The following MCU variants were observed in gnomAD, a reference collection of about 807,000 sequenced individuals.
The protein encoded by MCU is mitochondrial calcium uniporter, also known as calcium uniporter protein, mitochondrial.
MCU carries 12 observed loss-of-function variants against 45.2 expected under a neutral mutation model. That is an observed-to-expected ratio of 0.27 (90% CI 0.17 to 0.43). MCU has a LOEUF of 0.43. MCU is among the 20% of genes least tolerant of loss of function. The pLI is 1.00. For missense variants in MCU, 324 were observed against 436.7 expected (o/e 0.74, Z 2.30); for synonymous variants, 160 against 165.1 (o/e 0.97, Z 0.24).
At chr10:72,848,052 C>G (rs1005364816) in intron 2 of MCU, among the ~76,000 whole-genome samples, 6 of 152,130 alleles carry the variant, frequency 3.9e-5, no homozygotes, top group Admixed American at 1.3e-4. Context: ...ATTGGTTCTG[C>G]AGACCAGCCC....
chr10:72,769,533 TCA>T (rs1373155209), intron 1 of MCU, among the ~76,000 whole-genome samples: 4 of 152,190 alleles, frequency 2.6e-5, no homozygotes, highest in Non-Finnish European at 4.4e-5. Context: ...TACTCTTGCC[TCA>T]GTCTCCTGAG....
In MCU at chr10:72,859,209, G is replaced by A. The variant is rs759244096; in HGVS notation, c.253G>A (p.Val85Met). The A allele has an allele frequency of 1.2e-6, 2 of 1,610,020 alleles. No individual in the cohort carries two copies. Among genetic ancestry groups the A allele is most frequent in the Non-Finnish European group, 1.7e-6 (2 of 1,178,266 alleles). ...AGTGGTTTATCAAAATGGGTTACCT[G>A]TGATATCTGTGAGGCTACCATCCCG... ...VTVVYQNGLP[V>M]ISVRLPSRRE... Residue 85 changes from valine (V) to methionine (M), a missense_variant, in exon 3 of 8, where the codon GTG (valine) becomes ATG (methionine). Around this residue, in one of 4 missense-constraint regions of MCU, gnomAD observed 111 missense variants for 112.3 expected, o/e 0.99. Transcript: ENST00000373053.
intron 1 of MCU, among the ~76,000 whole-genome samples, chr10:72,753,022 G>C (rs1218218056): frequency 6.6e-6 from 1 of 152,132 alleles, no homozygotes; most frequent in Non-Finnish European, 1.5e-5. Flanking sequence ...TTTCTATTGA[G>C]AGGCCCTAAT....
chr10:72,692,495 G>A, intron 1 of MCU, 194 bp downstream of exon 1: 1 of 913,732 alleles, frequency 1.1e-6, no homozygotes, highest in Non-Finnish European at 1.4e-6. Flanking sequence ...GCGGGCGGGA[G>A]GAAGCCGAGA....
At chr10:72,709,717 GTTTTCT>G (rs1842866529) in intron 1 of MCU, among the ~76,000 whole-genome samples, 1 of 151,934 alleles carries the variant, frequency 6.6e-6, no homozygotes, top group Admixed American at 6.6e-5. Context: ...ATGAAATCTT[GTTTTCT>G]TTTTATTTTC....
chr10:72,715,393 T>C (rs889171255), intron 1 of MCU, among the ~76,000 whole-genome samples: 1 of 152,222 alleles, frequency 6.6e-6, no homozygotes, highest in African/African-American at 2.4e-5. Context: ...GGGCTGAGTT[T>C]AGTGAGGTGA....
At chr10:72,757,013 A>AG (rs1414198406) in intron 1 of MCU, 1 of 151,428 alleles carries the variant, frequency 6.6e-6, no homozygotes, top group Non-Finnish European at 1.5e-5. Flanking sequence ...ATCTTGAAAA[A>AG]GGAAAAAAAA....
At chr10:72,749,160 A>G (rs1843458833) in intron 1 of MCU, among the ~76,000 whole-genome samples, 1 of 151,792 alleles carries the variant, frequency 6.6e-6, no homozygotes. Flanking sequence ...TGGCACATGT[A>G]TGTGGTCTCA....
At chr10:72,739,997 C>G (rs1042793336) in intron 1 of MCU, among the ~76,000 whole-genome samples, 1 of 151,538 alleles carries the variant, frequency 6.6e-6, no homozygotes, top group African/African-American at 2.4e-5. Context: ...TTTTTATTCT[C>G]TTCTCTTATG....
Position 72,885,888 on chromosome 10 carries a change from A to T in MCU, c.*66A>T, listed in dbSNP as rs1000083818. The T allele has an allele frequency of 7.4e-7, 1 of 1,346,510 alleles. No homozygotes were observed. Among genetic ancestry groups the T allele is most frequent in the African/African-American group, 1.4e-5 (1 of 69,334 alleles). The allele number at this position is 1,346,510 out of a possible 1,614,324, so 83.4% of individuals were successfully genotyped here. On this transcript the variant is annotated 3_prime_UTR_variant, in exon 8 of 8. Transcript: ENST00000373053. The stretch of plus-strand genomic sequence containing the variant: ...TTTGCCTTTTTAATTAAAGCATTGC[A>T]GGTGGAAGCTGGGAGCCATGTGGGG...
chr10:72,860,158 A>C (rs1845354585), intron 3 of MCU: 1 of 360,122 alleles, frequency 2.8e-6, no homozygotes, highest in Non-Finnish European at 5.2e-6. Flanking sequence ...CTAGATTTCC[A>C]ATGTACACCT....
At chr10:72,778,532 CG>C in intron 1 of MCU, among the ~76,000 whole-genome samples, 1 of 151,800 alleles carries the variant, frequency 6.6e-6, no homozygotes, top group African/African-American at 2.4e-5. Context: ...TGGTTGGAGC[CG>C]GGGGGTGGGG....
intron 1 of MCU, among the ~76,000 whole-genome samples, chr10:72,805,552 A>C (rs1337119354): frequency 1.3e-5 from 2 of 152,048 alleles, no homozygotes; most frequent in African/African-American, 4.8e-5. Context: ...CGGCTGCCCT[A>C]GTATATTTCT....
chr10:72,731,361 G>A (rs367792796), intron 1 of MCU, among the ~76,000 whole-genome samples: 1 of 152,186 alleles, frequency 6.6e-6, no homozygotes, highest in African/African-American at 2.4e-5. Context: ...GTCACTGAGT[G>A]CCCAAGGAAT....
intron 1 of MCU, among the ~76,000 whole-genome samples, chr10:72,759,243 G>GT (rs1353804035): frequency 2.0e-5 from 3 of 152,176 alleles, no homozygotes; most frequent in Non-Finnish European, 4.4e-5. Flanking sequence ...CTCTAAGGGG[G>GT]TGCGTGTGAG....
chr10:72,860,341 A>C (rs1845357080), intron 3 of MCU, 82 bp from the exon 4 acceptor site: 1 of 1,231,724 alleles, frequency 8.1e-7, no homozygotes, highest in African/African-American at 1.5e-5. Flanking sequence ...TAATTTTTAA[A>C]AACGATTTTG....
chr10:72,832,414 A>G (rs902668737), intron 1 of MCU, among the ~76,000 whole-genome samples: 1 of 152,212 alleles, frequency 6.6e-6, no homozygotes, highest in South Asian at 2.1e-4. Context: ...AAATTAAAGA[A>G]CACACAAAGA....
intron 1 of MCU, among the ~76,000 whole-genome samples, chr10:72,806,212 C>T (rs571955405): frequency 7.2e-4 from 101 of 139,622 alleles, no homozygotes; most frequent in Admixed American, 1.5e-3. Context: ...GGCTGGAGTG[C>T]AATGGCACTA....
intron 1 of MCU, among the ~76,000 whole-genome samples, chr10:72,780,884 T>C (rs1182628215): frequency 6.6e-6 from 1 of 152,176 alleles, no homozygotes; most frequent in African/African-American, 2.4e-5. Flanking sequence ...AAAATCATTC[T>C]GCAAACGTAA....
Sources: gnomAD v4.1 joint callset for allele counts (sites outside exome capture counted in the v4.1 genomes callset) on GRCh38, gnomAD v4.1.1 for gene constraint, gnomAD v4.1.1 regional missense constraint, MANE v1.5 for transcripts, NCBI Gene and HGNC (gene_info 2026-07-23, HGNC 2026-07-21) for gene names.